DOP1A: variants seen among roughly 807,000 people sequenced by gnomAD.
DOP1A encodes DOP1 leucine zipper like protein A, also known as protein DOP1A.
In DOP1A, 90 loss-of-function variants were observed where a neutral mutation model predicts 267.6. The observed-to-expected ratio is 0.34, with a 90% CI of 0.28 to 0.40. The LOEUF (loss-of-function observed/expected upper bound fraction) is 0.40, where lower values mean the gene tolerates loss of function less well. Ranked by LOEUF, DOP1A falls within the 10% of genes least tolerant of loss-of-function variation. DOP1A has a pLI of 1.00. For synonymous variants in DOP1A, 932 were observed against 999.1 expected (o/e 0.93, Z 1.27); for missense variants, 2,437 against 2,900.4 (o/e 0.84, Z 3.67).
In DOP1A at chr6:83,135,845, A is replaced by C. The variant is rs762612763; in HGVS notation, c.3097A>C (p.Lys1033Gln). 4.3e-6 allele frequency: 7 copies of C among 1,613,664 alleles called. No individual in the cohort carries two copies. The highest frequency in any genetic ancestry group is 5.9e-6 in the Non-Finnish European group (7 of 1,179,642). Residue 1033 changes from lysine (K) to glutamine (Q), a missense_variant, in exon 20 of 39, where the codon AAG becomes CAG. By Grantham distance (53) the Lys-to-Gln change is moderately conservative (BLOSUM62 1). Coordinates refer to ENST00000349129, the MANE Select transcript of DOP1A (RefSeq NM_015018.4). Reference protein sequence around the residue: ...SPCYPGEESDKHFMQNFACSN... With the variant: ...SPCYPGEESDQHFMQNFACSN... ...CTGTTATCCAGGAGAGGAGAGTGAC[A>C]AGCATTTCATGCAAAATTTTGCCTG...
chr6:83,111,414 T>C (rs951460200), intron 6 of DOP1A, among the ~76,000 whole-genome samples: 5 of 151,734 alleles, frequency 3.3e-5, no homozygotes, highest in African/African-American at 1.2e-4. Flanking sequence ...CCAAGTTTTT[T>C]GGTAACTCTG....
chr6:83,155,804 C>T, intron 33 of DOP1A, 147 bp from the exon 34 acceptor site: 1 of 871,426 alleles, frequency 1.1e-6, no homozygotes, highest in Non-Finnish European at 1.7e-6. Context: ...GTTTGCCAGC[C>T]TGTCTGCCCC....
chr6:83,168,041 C>T lies in DOP1A; in HGVS notation c.7272C>T (p.Leu2424=), dbSNP rs758448523. The T allele has an allele frequency of 1.9e-6, 3 of 1,614,078 alleles. No homozygotes were observed. The highest frequency in any genetic ancestry group is 2.7e-5 in the African/African-American group (2 of 74,930). Residue 2424 remains leucine (L), a synonymous_variant, in exon 39 of 39, where the codon CTC becomes CTT. Transcript: ENST00000349129. ...RCGGHSGSPI[L]YSNAFPNKDM... ...GAGGACACTCAGGGAGTCCTATCCT[C>T]TACTCAAATGCCTTCCCTAATAAGG...
intron 13 of DOP1A, 79 bp downstream of exon 13, chr6:83,124,898 A>G: frequency 2.6e-6 from 3 of 1,137,190 alleles, no homozygotes; most frequent in Non-Finnish European, 2.6e-6. Flanking sequence ...GCAAGCCTTC[A>G]GATACATTTC....
intron 1 of DOP1A, among the ~76,000 whole-genome samples, chr6:83,078,687 T>C (rs918367657): frequency 2.0e-5 from 3 of 152,212 alleles, no homozygotes; most frequent in African/African-American, 7.2e-5. Context: ...ACAGAGGTAC[T>C]GTGAAATGGA....
At chr6:83,102,988 A>G (rs1157649712) in intron 4 of DOP1A, among the ~76,000 whole-genome samples, 1 of 152,182 alleles carries the variant, frequency 6.6e-6, no homozygotes, top group Non-Finnish European at 1.5e-5. Flanking sequence ...CTCTGATCAG[A>G]TATCAGCTCC....
chr6:83,170,307 G>A, downstream of DOP1A: 1 of 1,613,904 alleles, frequency 6.2e-7, no homozygotes, highest in Non-Finnish European at 8.5e-7. Context: ...CAGCTTACTT[G>A]TGAGTCTGCT....
intron 1 of DOP1A, among the ~76,000 whole-genome samples, chr6:83,087,336 T>C (rs1769454542): frequency 6.6e-6 from 1 of 152,182 alleles, no homozygotes; most frequent in Admixed American, 6.5e-5. Flanking sequence ...AGTACCTGTT[T>C]GAAGTTTGTG....
intron 4 of DOP1A, among the ~76,000 whole-genome samples, chr6:83,108,160 C>CTTGATGACCT (rs1773961506): frequency 1.3e-5 from 2 of 152,106 alleles, no homozygotes; most frequent in Non-Finnish European, 2.9e-5. Flanking sequence ...ACCTTGATAA[C>CTTGATGACCT]TGATTGCAGG....
intron 35 of DOP1A, among the ~76,000 whole-genome samples, chr6:83,158,203 A>C (rs1256504691): frequency 6.6e-6 from 1 of 152,048 alleles, no homozygotes; most frequent in African/African-American, 2.4e-5. Context: ...GGGTTTCAGC[A>C]TGTTAGCCAG....
At chr6:83,099,549 A>G (rs768944415) in intron 3 of DOP1A, among the ~76,000 whole-genome samples, 2 of 152,174 alleles carry the variant, frequency 1.3e-5, no homozygotes, top group Non-Finnish European at 2.9e-5. Flanking sequence ...AATTAGGTAC[A>G]TAATTAGTTT....
intron 1 of DOP1A, among the ~76,000 whole-genome samples, chr6:83,074,972 C>T (rs934285695): frequency 1.3e-5 from 2 of 152,178 alleles, no homozygotes; most frequent in Admixed American, 1.3e-4. Context: ...GATGAAAAGA[C>T]TCCTTTTCCT....
At chr6:83,158,809 A>G (rs934684944) in intron 36 of DOP1A, among the ~76,000 whole-genome samples, 187 bp downstream of exon 36, 3 of 152,214 alleles carry the variant, frequency 2.0e-5, no homozygotes, top group Non-Finnish European at 4.4e-5. Context: ...TTAAGCCATC[A>G]GCATTCATTG....
chr6:83,126,180 A>G (rs1233293021), intron 15 of DOP1A, among the ~76,000 whole-genome samples: 3 of 151,318 alleles, frequency 2.0e-5, no homozygotes, highest in African/African-American at 7.3e-5. Context: ...GTGAGTATAC[A>G]AAAGAGGCTA....
chr6:83,105,950 C>T (rs1287098301), intron 4 of DOP1A, among the ~76,000 whole-genome samples: 1 of 152,052 alleles, frequency 6.6e-6, no homozygotes, highest in Non-Finnish European at 1.5e-5. Context: ...TCTAGAATAC[C>T]ATTTCTAAAT....
chr6:83,101,501 G>A (rs1469266460), intron 4 of DOP1A, among the ~76,000 whole-genome samples: 1 of 152,108 alleles, frequency 6.6e-6, no homozygotes, highest in East Asian at 1.9e-4. Flanking sequence ...AGGATACCTT[G>A]ATCTCTCAGC....
In DOP1A at chr6:83,168,179, G is replaced by T; in HGVS notation, c.*12G>T. ...TGATAAAAACTTGAGCACCATTGCT[G>T]GTTCCATTTAGCTTACATGTAAATG... On this transcript the variant is annotated 3_prime_UTR_variant, in exon 39 of 39. Coordinates refer to ENST00000349129, the MANE Select transcript of DOP1A (RefSeq NM_015018.4). 6.2e-7 allele frequency: 1 copy of T among 1,605,466 alleles called. No homozygotes were observed. The highest frequency in any genetic ancestry group is 8.5e-7 in the Non-Finnish European group (1 of 1,176,660).
chr6:83,070,216 A>T (rs1210348247), intron 1 of DOP1A, among the ~76,000 whole-genome samples: 1 of 152,190 alleles, frequency 6.6e-6, no homozygotes, highest in East Asian at 1.9e-4. Flanking sequence ...AATTCAGGTA[A>T]ATTATCTCCC....
chr6:83,155,563 G>A (rs1782620502), intron 33 of DOP1A, among the ~76,000 whole-genome samples: 1 of 152,178 alleles, frequency 6.6e-6, no homozygotes, highest in East Asian at 1.9e-4. Flanking sequence ...AGAGTGAGTT[G>A]AGGGTGAGTA....
Sources: allele counts gnomAD v4.1 joint callset (sites outside exome capture counted in the v4.1 genomes callset), GRCh38; gene constraint gnomAD v4.1.1; transcripts MANE v1.5; gene names NCBI Gene and HGNC (gene_info 2026-07-23, HGNC 2026-07-21).